PDIA5: variants seen among roughly 807,000 people sequenced by gnomAD.
PDIA5 encodes protein disulfide isomerase family A member 5.
PDIA5 carries 58 observed loss-of-function variants against 77.6 expected under a neutral mutation model. That is an observed-to-expected ratio of 0.75 (90% confidence interval 0.61 to 0.93). The LOEUF is 0.93. Ranked by LOEUF, PDIA5 falls within the 40% of genes least tolerant of loss-of-function variation. The pLI is 0.00. For missense variants in PDIA5, 630 were observed against 647.7 expected, an observed-to-expected ratio of 0.97 and a Z score of 0.30; for synonymous variants, 250 against 252.1, an observed-to-expected ratio of 0.99 and a Z score of 0.08.
At chr3:123,096,937 C>G (rs542784002) in intron 3 of PDIA5, among the ~76,000 whole-genome samples, 1 of 152,200 alleles carries the variant, frequency 6.6e-6, no homozygotes, top group East Asian at 1.9e-4. Context: ...TGCTAATTCC[C>G]GAGGCTGCGT....
rs114377319 is a variant in PDIA5, at chr3:123,148,322, C to T, written c.1143-1912C>T. Among the ~76,000 whole-genome samples the T allele has an allele frequency of 3.0e-3, 460 of 152,246 alleles. 2 individuals are homozygous for T. Among genetic ancestry groups the T allele is most frequent in the African/African-American group, 0.011 (446 of 41,542 alleles). The stretch of plus-strand genomic sequence containing the variant: ...GTGGCTCATGGCTGTAATCCTAGCA[C>T]TTTGGGAAGTAGAGGCAGGAGGATC... On this transcript the variant is annotated intron_variant, in intron 13 of 16. Coordinates refer to ENST00000316218, the MANE Select transcript of PDIA5 (RefSeq NM_006810.4).
At chr3:123,136,082 C>T (rs1159001506) in intron 11 of PDIA5, among the ~76,000 whole-genome samples, 1 of 151,792 alleles carries the variant, frequency 6.6e-6, no homozygotes, top group African/African-American at 2.4e-5. Context: ...AGGCACGGGC[C>T]ACCACACCTG....
intron 2 of PDIA5, among the ~76,000 whole-genome samples, chr3:123,090,687 G>T (rs1934261176): frequency 6.6e-6 from 1 of 152,180 alleles, no homozygotes; most frequent in Non-Finnish European, 1.5e-5. Context: ...TTGGGGCTGA[G>T]GCCGGAAAAT....
intron 8 of PDIA5, among the ~76,000 whole-genome samples, chr3:123,117,393 T>TATATATATATATATAA (rs1034691970): frequency 2.2e-5 from 3 of 137,696 alleles, no homozygotes; most frequent in Non-Finnish European, 4.7e-5. Flanking sequence ...TATATATATA[T>TATATATATATATATAA]ATATATTCTG....
intron 7 of PDIA5, among the ~76,000 whole-genome samples, chr3:123,114,889 T>C (rs12631084): frequency 1.3e-5 from 2 of 152,054 alleles, no homozygotes; most frequent in African/African-American, 4.8e-5. Context: ...TACTGGGGTG[T>C]GTGTGAGTCC....
intron 3 of PDIA5, among the ~76,000 whole-genome samples, chr3:123,097,810 G>A (rs1374882739): frequency 6.6e-6 from 1 of 152,152 alleles, no homozygotes; most frequent in African/African-American, 2.4e-5. Flanking sequence ...GTTAGACCAG[G>A]GCTGGTGGGA....
At chr3:123,120,746 A>G (rs1408222159) in intron 8 of PDIA5, among the ~76,000 whole-genome samples, 2 of 152,098 alleles carry the variant, frequency 1.3e-5, no homozygotes, top group Non-Finnish European at 2.9e-5. Context: ...TCCATCTGGC[A>G]GACTGTGAAC....
At chr3:123,121,918 G>A (rs1560532482) in intron 8 of PDIA5, among the ~76,000 whole-genome samples, 1 of 152,204 alleles carries the variant, frequency 6.6e-6, no homozygotes, top group South Asian at 2.1e-4. Context: ...GGGGAGTTGG[G>A]ACTCAAACCC....
At chr3:123,105,234 T>A (rs1934697571) in intron 5 of PDIA5, among the ~76,000 whole-genome samples, 2 of 152,134 alleles carry the variant, frequency 1.3e-5, no homozygotes, top group African/African-American at 4.8e-5. Context: ...AAAGTCAATG[T>A]TTTCACATGA....
chr3:123,070,283 G>A (rs535827979), intron 1 of PDIA5, among the ~76,000 whole-genome samples: 1 of 152,224 alleles, frequency 6.6e-6, no homozygotes, highest in East Asian at 1.9e-4. Context: ...AACCAAATCT[G>A]AGGGTGGCTG....
chr3:123,141,300 A>G (rs1357900992), intron 11 of PDIA5, among the ~76,000 whole-genome samples: 3 of 152,158 alleles, frequency 2.0e-5, no homozygotes, highest in Non-Finnish European at 4.4e-5. Flanking sequence ...AGAGTGGTCA[A>G]GGGAGCCTCT....
chr3:123,110,602 G>A (rs1934837151), intron 6 of PDIA5, among the ~76,000 whole-genome samples: 1 of 152,190 alleles, frequency 6.6e-6, no homozygotes, highest in Non-Finnish European at 1.5e-5. Flanking sequence ...TCTTTGAACT[G>A]TTCAGGTGGA....
chr3:123,072,985 A>G (rs866580824), intron 1 of PDIA5, among the ~76,000 whole-genome samples: 2 of 149,836 alleles, frequency 1.3e-5, no homozygotes, highest in Non-Finnish European at 3.0e-5. Context: ...CTTAGGTCCC[A>G]ACGGGAGAGG....
intron 3 of PDIA5, among the ~76,000 whole-genome samples, chr3:123,098,083 G>C (rs1206029743): frequency 6.6e-6 from 1 of 152,142 alleles, no homozygotes; most frequent in Non-Finnish European, 1.5e-5. Flanking sequence ...TTTGCCCCAG[G>C]TTCTGGCTCC....
At chr3:123,106,409 A>G (rs1934733602) in intron 5 of PDIA5, among the ~76,000 whole-genome samples, 1 of 152,202 alleles carries the variant, frequency 6.6e-6, no homozygotes, top group Admixed American at 6.5e-5. Flanking sequence ...AAGCACTAGT[A>G]TGTCTCTGGT....
chr3:123,116,212 C>T lies in PDIA5; in HGVS notation c.542-19C>T. ...CCATCCCTGTAACCGGATGTGGTCTCTCTCCTGCCTGTGACCAGGGTGCAG... is the reference window on the plus strand; with the variant it reads ...CCATCCCTGTAACCGGATGTGGTCTTTCTCCTGCCTGTGACCAGGGTGCAG... On this transcript the variant is annotated intron_variant, in intron 7 of 16. Coordinates refer to ENST00000316218, the MANE Select transcript of PDIA5 (RefSeq NM_006810.4). 1.2e-6 allele frequency: 2 copies of T among 1,612,046 alleles called. No homozygotes were observed. Among genetic ancestry groups the T allele is most frequent in the South Asian group, 1.1e-5 (1 of 91,046 alleles).
intron 3 of PDIA5, among the ~76,000 whole-genome samples, chr3:123,098,985 T>TACCTAAGC (rs1934513959): frequency 6.6e-6 from 1 of 152,222 alleles, no homozygotes; most frequent in Admixed American, 6.5e-5. Flanking sequence ...CTTAGGTAAT[T>TACCTAAGC]TTCTCCCATA....
chr3:123,148,110 C>A (rs1348529473), intron 13 of PDIA5, among the ~76,000 whole-genome samples: 1 of 152,154 alleles, frequency 6.6e-6, no homozygotes, highest in Non-Finnish European at 1.5e-5. Flanking sequence ...GTCTGAGAGA[C>A]CTGGGCTGAG....
rs372392172 is a variant in PDIA5, at chr3:123,154,999, G to T, written c.1302G>T (p.Pro434=). The T allele has an allele frequency of 1.2e-5, 20 of 1,612,270 alleles. No homozygotes were observed. The highest frequency in any genetic ancestry group is 1.6e-5 in the Non-Finnish European group (19 of 1,178,460). ...GCCCACACTGTAAGAAGGTCATTCC[G>T]CACTTTACTGCTACTGCTGATGCCT... ...PWCPHCKKVI[P]HFTATADAFK... Residue 434 remains proline (P), a synonymous_variant, in exon 15 of 17, where the codon CCG becomes CCT. Coordinates refer to ENST00000316218, the MANE Select transcript of PDIA5 (RefSeq NM_006810.4).
Sources: allele counts gnomAD v4.1 joint callset (sites outside exome capture counted in the v4.1 genomes callset), GRCh38; gene constraint gnomAD v4.1.1; transcripts MANE v1.5; gene names NCBI Gene and HGNC (gene_info 2026-07-23, HGNC 2026-07-21).